Variants in CHCHD3 observed in about 807,000 individuals in gnomAD.
The protein encoded by CHCHD3 is coiled-coil-helix-coiled-coil-helix domain containing 3.
In CHCHD3, 20 loss-of-function variants were observed where a neutral mutation model predicts 38.2. The ratio of observed to expected loss-of-function variants is 0.52; its 90% CI spans 0.37 to 0.76. The LOEUF is 0.76. Ranked by LOEUF, CHCHD3 falls within the 30% of genes least tolerant of loss-of-function variation. The pLI is 0.00. For synonymous variants in CHCHD3, 82 were observed against 100.0 expected (o/e 0.82, Z 1.07); for missense variants, 245 against 279.2 (o/e 0.88, Z 0.87).
At chr7:132,804,797 A>C (rs1806873473) in intron 6 of CHCHD3, among the ~76,000 whole-genome samples, 1 of 152,226 alleles carries the variant, frequency 6.6e-6, no homozygotes, top group South Asian at 2.1e-4. Flanking sequence ...TAACTGAAAG[A>C]ATTGCAAATG....
chr7:132,863,646 T>G (rs1808545353), intron 5 of CHCHD3, among the ~76,000 whole-genome samples: 1 of 152,234 alleles, frequency 6.6e-6, no homozygotes, highest in Non-Finnish European at 1.5e-5. Flanking sequence ...AGACAGAATC[T>G]TCTTCCGATA....
intron 2 of CHCHD3, among the ~76,000 whole-genome samples, chr7:133,067,932 C>A (rs925891692): frequency 1.3e-5 from 2 of 151,988 alleles, no homozygotes; most frequent in African/African-American, 4.8e-5. Context: ...CTGGCTAACA[C>A]GGTGAAACCC....
intron 6 of CHCHD3, among the ~76,000 whole-genome samples, chr7:132,813,926 C>A (rs574852993): frequency 6.6e-6 from 1 of 152,158 alleles, no homozygotes; most frequent in East Asian, 1.9e-4. Flanking sequence ...TACGTGCTCA[C>A]GGGGAGCAAC....
intron 2 of CHCHD3, among the ~76,000 whole-genome samples, chr7:133,029,466 C>T (rs1028720381): frequency 6.6e-6 from 1 of 152,142 alleles, no homozygotes; most frequent in African/African-American, 2.4e-5. Context: ...TTTTTAGATT[C>T]CACATATAGG....
chr7:132,916,024 T>C (rs1810097726), intron 4 of CHCHD3, among the ~76,000 whole-genome samples: 1 of 151,768 alleles, frequency 6.6e-6, no homozygotes, highest in Non-Finnish European at 1.5e-5. Flanking sequence ...TCAATACATA[T>C]GGGTGATGGT....
intron 4 of CHCHD3, among the ~76,000 whole-genome samples, chr7:132,939,001 C>T (rs1303197128): frequency 6.6e-6 from 1 of 152,120 alleles, no homozygotes. Flanking sequence ...AAAACAATAA[C>T]CGAATGTACT....
intron 4 of CHCHD3, among the ~76,000 whole-genome samples, chr7:132,921,438 T>C (rs1810260428): frequency 6.6e-6 from 1 of 152,156 alleles, no homozygotes; most frequent in African/African-American, 2.4e-5. Flanking sequence ...CTTGAAACAG[T>C]TCTTTTTCAA....
chr7:132,795,053 A>G (rs1004877891), intron 7 of CHCHD3, among the ~76,000 whole-genome samples: 3 of 152,250 alleles, frequency 2.0e-5, no homozygotes, highest in Non-Finnish European at 4.4e-5. Flanking sequence ...GGATGGGGTC[A>G]GCACTCCCAA....
At chr7:132,844,304 A>C (rs1044296659) in intron 5 of CHCHD3, among the ~76,000 whole-genome samples, 2 of 151,752 alleles carry the variant, frequency 1.3e-5, no homozygotes, top group African/African-American at 4.9e-5. Flanking sequence ...CTCAAAAAAA[A>C]CAAAAAAATG....
chr7:133,034,928 T>A, intron 2 of CHCHD3: 1 of 1,605,728 alleles, frequency 6.2e-7, no homozygotes, highest in South Asian at 1.1e-5. Flanking sequence ...TCTGAGTGAG[T>A]TCTTCAGGGA....
At chr7:132,897,541 T>A (rs551324266) in intron 4 of CHCHD3, among the ~76,000 whole-genome samples, 1 of 152,364 alleles carries the variant, frequency 6.6e-6, no homozygotes, top group South Asian at 2.1e-4. Flanking sequence ...AAGGGAATTC[T>A]TGAAGGTCAG....
chr7:132,991,656 C>T (rs1812287415), intron 3 of CHCHD3, among the ~76,000 whole-genome samples: 1 of 152,166 alleles, frequency 6.6e-6, no homozygotes, highest in African/African-American at 2.4e-5. Flanking sequence ...CCAGCAAACC[C>T]AGTAAGATGA....
At chr7:132,874,850 C>G (rs1808856256) in intron 5 of CHCHD3, among the ~76,000 whole-genome samples, 1 of 152,114 alleles carries the variant, frequency 6.6e-6, no homozygotes, top group African/African-American at 2.4e-5. Context: ...GAAGAGAATT[C>G]AGAGAGAAAG....
At chr7:133,002,115 G>A (rs1812590587) in intron 3 of CHCHD3, among the ~76,000 whole-genome samples, 1 of 152,146 alleles carries the variant, frequency 6.6e-6, no homozygotes. Flanking sequence ...AACCCAAGTG[G>A]TCTGACTCCT....
chr7:132,897,402 A>G (rs996038175), intron 4 of CHCHD3, among the ~76,000 whole-genome samples: 1 of 152,204 alleles, frequency 6.6e-6, no homozygotes, highest in Non-Finnish European at 1.5e-5. Flanking sequence ...TGTTCACACT[A>G]TTGGGACCAA....
intron 7 of CHCHD3, among the ~76,000 whole-genome samples, chr7:132,786,383 C>G (rs1254509408): frequency 6.6e-6 from 1 of 152,162 alleles, no homozygotes; most frequent in African/African-American, 2.4e-5. Context: ...GCTCATGAGG[C>G]TGGACAGAGC....
In CHCHD3 at chr7:132,844,504, T is replaced by C. The variant is rs185134754; in HGVS notation, c.454-6035A>G. Among the ~76,000 whole-genome samples, 2 of 152,352 alleles carry C rather than the reference T, an allele frequency of 1.3e-5. 1 individual carries two copies. Among genetic ancestry groups the C allele is most frequent in the Admixed American group, 1.3e-4 (2 of 15,298 alleles). On this transcript the variant is annotated intron_variant, in intron 5 of 7. Coordinates refer to ENST00000262570, the MANE Select transcript of CHCHD3 (RefSeq NM_017812.4). The stretch of plus-strand genomic sequence containing the variant: ...GCCCCATAAACAGCAGAAAAAATAC[T>C]TGACATGATTTGTCCAATGGTACGG...
intron 5 of CHCHD3, among the ~76,000 whole-genome samples, chr7:132,853,442 G>C (rs1274568166): frequency 1.3e-5 from 2 of 152,148 alleles, no homozygotes; most frequent in East Asian, 3.9e-4. Context: ...CCAACATGGT[G>C]AAACCCCGTC....
chr7:132,847,813 C>T (rs1323446340), intron 5 of CHCHD3, among the ~76,000 whole-genome samples: 1 of 152,148 alleles, frequency 6.6e-6, no homozygotes, highest in Non-Finnish European at 1.5e-5. Flanking sequence ...ATACCCATCG[C>T]ATGTACAAAA....
Sources: gnomAD v4.1 joint callset for allele counts (sites outside exome capture counted in the v4.1 genomes callset) on GRCh38, gnomAD v4.1.1 for gene constraint, MANE v1.5 for transcripts, NCBI Gene and HGNC (gene_info 2026-07-23, HGNC 2026-07-21) for gene names.